RAE1: variants seen among roughly 807,000 people sequenced by gnomAD.
RAE1 encodes mRNA export factor RAE1.
In RAE1, 13 loss-of-function variants were observed where a neutral mutation model predicts 52.7. The ratio of observed to expected loss-of-function variants is 0.25; its 90% CI spans 0.16 to 0.39. The LOEUF (loss-of-function observed/expected upper bound fraction) is 0.39, where lower values mean the gene tolerates loss of function less well. RAE1 is among the 10% of genes least tolerant of loss of function. The probability of loss-of-function intolerance (pLI) is 1.00; values close to 1 mark genes in which losing one functional copy is unlikely to be tolerated. For missense variants in RAE1, 262 were observed against 459.8 expected, an observed-to-expected ratio of 0.57 and a Z score of 3.93; for synonymous variants, 164 against 153.1, an observed-to-expected ratio of 1.07 and a Z score of -0.52.
At chr20:57,356,241 A>T (rs560340887) in intron 3 of RAE1, among the ~76,000 whole-genome samples, 1 of 152,226 alleles carries the variant, frequency 6.6e-6, no homozygotes, top group African/African-American at 2.4e-5. Context: ...TGTGTAAGCA[A>T]TAGAATTTGT....
chr20:57,368,887 C>T, intron 8 of RAE1, 75 bp downstream of exon 8: 3 of 1,231,720 alleles, frequency 2.4e-6, no homozygotes, highest in South Asian at 2.6e-5. Flanking sequence ...ATCTGGAATA[C>T]AGTTGTACTT....
At chr20:57,358,072 C>G (rs1019223424) in intron 4 of RAE1, 3 of 151,854 alleles carry the variant, frequency 2.0e-5, no homozygotes, top group Non-Finnish European at 4.4e-5. Context: ...AAATAGGAGG[C>G]CTACATTAAA....
At chr20:57,352,965 G>A (rs988207410) in intron 1 of RAE1, among the ~76,000 whole-genome samples, 3 of 152,228 alleles carry the variant, frequency 2.0e-5, no homozygotes, top group Non-Finnish European at 2.9e-5. Flanking sequence ...ACATGTGCTT[G>A]TAGCTGTTGC....
At chr20:57,362,152 G>T (rs2066899740) in intron 4 of RAE1, among the ~76,000 whole-genome samples, 1 of 152,100 alleles carries the variant, frequency 6.6e-6, no homozygotes, top group Admixed American at 6.5e-5. Flanking sequence ...CTGGTCCCTG[G>T]TGCCACAAAG....
In RAE1 at chr20:57,373,655, T is replaced by A; in HGVS notation, c.750-8T>A. On this transcript the variant is annotated splice_polypyrimidine_tract_variant and splice_region_variant and intron_variant, in intron 9 of 11. Transcript: ENST00000395841. ...AAAGGAAGACTTACATGAACCTTTG[T>A]CTTTCAGCGCCAAAGATAACTTCAC... is the stretch of plus-strand genomic sequence containing the variant. 6.2e-7 allele frequency: 1 copy of A among 1,614,050 alleles called. No homozygotes were observed. The highest frequency in any genetic ancestry group is 8.5e-7 in the Non-Finnish European group (1 of 1,179,886).
Position 57,358,685 on chromosome 20 carries a change from A to G in RAE1, c.288+2147A>G, listed in dbSNP as rs2066837614. The G allele has an allele frequency of 1.2e-5, 3 of 259,222 alleles. No homozygotes were observed. The Admixed American group carries it at 1.6e-4, about 14-fold the overall frequency. The allele number at this position is 259,222 out of a possible 1,614,324, so 16.1% of individuals were successfully genotyped here. ...TACACCATTAGGATGTCCTGATCCA[A>G]CATCGAGGTCGTAAACTCTATTGTC... On this transcript the variant is annotated intron_variant, in intron 4 of 11. Coordinates refer to ENST00000395841, the MANE Select transcript of RAE1 (RefSeq NM_003610.4).
At chr20:57,351,946 C>T (rs12479896) in intron 1 of RAE1, 1 of 985,456 alleles carries the variant, frequency 1.0e-6, no homozygotes, top group Non-Finnish European at 1.2e-6. Flanking sequence ...ACCAGCCGCC[C>T]TGGGCCAGGC....
intron 8 of RAE1, chr20:57,371,021 A>T (rs1375116648): frequency 6.6e-6 from 1 of 152,132 alleles, no homozygotes; most frequent in Non-Finnish European, 1.5e-5. Context: ...CTCCTGTCTC[A>T]CTAATCCTCA....
Position 57,378,224 on chromosome 20 carries a change from G to T in RAE1, c.*125G>T. 2.6e-6 allele frequency: 2 copies of T among 777,766 alleles called. No individual in the cohort carries two copies. The highest frequency in any genetic ancestry group is 2.0e-5 in the South Asian group (1 of 50,546). 48.2% of individuals were successfully genotyped at this position (777,766 alleles called of 1,614,324 possible). A position where few individuals can be genotyped will look rare whatever the true frequency, so the allele number is the denominator to read the frequency against. On this transcript the variant is annotated 3_prime_UTR_variant, in exon 12 of 12. Coordinates refer to ENST00000395841, the MANE Select transcript of RAE1 (RefSeq NM_003610.4). Reference sequence around the variant, plus strand: ...ATGGATTTCAACCCCTGGAGAAAACGATGTCATTGTTCAGCAGCTGAGAGC... The same window carrying T: ...ATGGATTTCAACCCCTGGAGAAAACTATGTCATTGTTCAGCAGCTGAGAGC...
intron 4 of RAE1, chr20:57,358,739 G>T: frequency 2.7e-6 from 1 of 370,042 alleles, no homozygotes. Flanking sequence ...GGATTGCGCT[G>T]TTATCCCTAG....
intron 7 of RAE1, 35 bp from the exon 8 acceptor site, chr20:57,368,670 C>A: frequency 6.8e-7 from 1 of 1,473,940 alleles, no homozygotes; most frequent in Non-Finnish European, 9.5e-7. Context: ...CACTCCTTCA[C>A]CTGAAGCGCA....
chr20:57,374,546 G>C (rs2067083063), intron 10 of RAE1, 61 bp from the exon 11 acceptor site: 3 of 1,457,794 alleles, frequency 2.1e-6, no homozygotes, highest in Non-Finnish European at 2.8e-6. Flanking sequence ...AAGTGTGCGT[G>C]GGTGGAACCT....
chr20:57,359,266 G>T (rs1197541385), intron 4 of RAE1: 3 of 340,626 alleles, frequency 8.8e-6, no homozygotes, highest in Non-Finnish European at 1.1e-5. Context: ...CAAATAATAC[G>T]GTGTTTATTA....
In RAE1 at chr20:57,354,174, A is replaced by G. The variant is rs190884162; in HGVS notation, c.90+46A>G. On this transcript the variant is annotated intron_variant, in intron 2 of 11. Coordinates refer to ENST00000395841, the MANE Select transcript of RAE1 (RefSeq NM_003610.4). ...GGGCTTGTAGGAAGAGTTTGGGCAG[A>G]GTTTCTCCCATCAAGGACAGAACCC... 679 of 1,545,594 alleles carry G rather than the reference A, an allele frequency of 4.4e-4. 1 individual carries two copies. Among genetic ancestry groups the G allele is most frequent in the African/African-American group, 3.3e-3 (243 of 72,990 alleles).
chr20:57,356,259 A>G (rs532590954), intron 3 of RAE1, among the ~76,000 whole-genome samples, 187 bp from the exon 4 acceptor site: 1 of 152,360 alleles, frequency 6.6e-6, no homozygotes, highest in South Asian at 2.1e-4. Context: ...TGTTTATTTT[A>G]ATAGCTTAGG....
At chr20:57,360,743 C>T (rs930761461) in intron 4 of RAE1, among the ~76,000 whole-genome samples, 1 of 152,150 alleles carries the variant, frequency 6.6e-6, no homozygotes, top group Non-Finnish European at 1.5e-5. Context: ...GCCATGGTGG[C>T]GGGCACGAAA....
At chr20:57,362,646 GAC>G (rs2066905998) in intron 4 of RAE1, among the ~76,000 whole-genome samples, 1 of 152,190 alleles carries the variant, frequency 6.6e-6, no homozygotes, top group African/African-American at 2.4e-5. Flanking sequence ...GGGAGGATCA[GAC>G]ACAGGAATGA....
intron 4 of RAE1, among the ~76,000 whole-genome samples, chr20:57,363,155 G>T (rs985629641): frequency 4.6e-5 from 7 of 152,194 alleles, no homozygotes; most frequent in African/African-American, 1.7e-4. Context: ...ATTGAGGCCT[G>T]GGTTCAAATT....
chr20:57,372,712 T>A (rs770416247), intron 8 of RAE1: 1 of 152,292 alleles, frequency 6.6e-6, no homozygotes, highest in Non-Finnish European at 1.5e-5. Context: ...CAGAGGCTGC[T>A]TCTCCCTTCG....
Sources: gnomAD v4.1 joint callset for allele counts (sites outside exome capture counted in the v4.1 genomes callset) on GRCh38, gnomAD v4.1.1 for gene constraint, MANE v1.5 for transcripts, NCBI Gene and HGNC (gene_info 2026-07-23, HGNC 2026-07-21) for gene names.